Variants in PACRG observed in about 807,000 individuals in gnomAD.
PACRG encodes parkin coregulated, also known as parkin coregulated gene protein.
In PACRG, 29 loss-of-function variants were observed where a neutral mutation model predicts 29.7. The ratio of observed to expected loss-of-function variants is 0.98; its 90% CI spans 0.73 to 1.33. PACRG has a LOEUF of 1.33. PACRG is among the 40% of genes most tolerant of loss of function. PACRG has a pLI of 0.00. For missense variants in PACRG, 279 were observed against 316.2 expected, an observed-to-expected ratio of 0.88 and a Z score of 0.89; for synonymous variants, 116 against 118.7, an observed-to-expected ratio of 0.98 and a Z score of 0.15.
chr6:163,105,002 A>G (rs980367977), intron 4 of PACRG, among the ~76,000 whole-genome samples: 3 of 152,184 alleles, frequency 2.0e-5, no homozygotes, highest in African/African-American at 7.2e-5. Context: ...TACATTTACT[A>G]GTACATTATG....
intron 3 of PACRG, among the ~76,000 whole-genome samples, chr6:163,070,852 T>A (rs1174867390): frequency 6.7e-6 from 1 of 149,500 alleles, no homozygotes; most frequent in Admixed American, 6.7e-5. Context: ...AATAAAGAGA[T>A]GGAAAAAGAT....
At chr6:163,110,207 G>A (rs951666190) in intron 4 of PACRG, among the ~76,000 whole-genome samples, 2 of 152,156 alleles carry the variant, frequency 1.3e-5, no homozygotes, top group South Asian at 2.1e-4. Context: ...GATTCATGAC[G>A]CCAGTCTGGG....
chr6:162,746,846 A>G (rs1781025048), intron 1 of PACRG, among the ~76,000 whole-genome samples: 1 of 152,188 alleles, frequency 6.6e-6, no homozygotes, highest in Admixed American at 6.5e-5. Flanking sequence ...GAGGTAATTA[A>G]TTGACTAGGA....
intron 4 of PACRG, among the ~76,000 whole-genome samples, chr6:163,275,819 A>G (rs1216251946): frequency 6.6e-6 from 1 of 152,172 alleles, no homozygotes; most frequent in Admixed American, 6.5e-5. Context: ...CCTCCTTATT[A>G]ATAATTCAAA....
At chr6:162,934,458 T>A (rs1798094598) in intron 2 of PACRG, among the ~76,000 whole-genome samples, 1 of 152,132 alleles carries the variant, frequency 6.6e-6, no homozygotes, top group South Asian at 2.1e-4. Context: ...CACCAGCCCT[T>A]CTCTTTCAGA....
chr6:162,746,600 A>G (rs1393520021), intron 1 of PACRG, among the ~76,000 whole-genome samples: 1 of 152,236 alleles, frequency 6.6e-6, no homozygotes, highest in Non-Finnish European at 1.5e-5. Flanking sequence ...GTAAATATGA[A>G]GACGTTTTAG....
At chr6:162,947,470 A>AATCATATATATACTC (rs61434250) in intron 2 of PACRG, among the ~76,000 whole-genome samples, 2 of 96,182 alleles carry the variant, frequency 2.1e-5, no homozygotes, top group Non-Finnish European at 4.0e-5. Context: ...AATCATATAT[A>AATCATATATATACTC]ATATATATAT....
Position 163,101,036 on chromosome 6 carries a change from G to A in PACRG, c.613+11628G>A, listed in dbSNP as rs1370950132. On this transcript the variant is annotated intron_variant, in intron 4 of 4. Coordinates refer to ENST00000366888, the MANE Select transcript of PACRG (RefSeq NM_001080379.2). ...TCTTAAGTACAGTACTTTAATATGAGCTTTAGTGAGCATATTTATATTCAT... is the reference window on the plus strand; with the variant it reads ...TCTTAAGTACAGTACTTTAATATGAACTTTAGTGAGCATATTTATATTCAT... 3 of 982,100 alleles carry A rather than the reference G, an allele frequency of 3.1e-6. No homozygotes were observed. The East Asian group carries it at 3.4e-4, about 112-fold the overall frequency. The allele number at this position is 982,100 out of a possible 1,614,324, so 60.8% of individuals were successfully genotyped here. A position where few individuals can be genotyped will look rare whatever the true frequency, so the allele number is the denominator to read the frequency against.
At chr6:163,116,950 A>G (rs1263238081) in intron 4 of PACRG, among the ~76,000 whole-genome samples, 4 of 152,118 alleles carry the variant, frequency 2.6e-5, no homozygotes, top group Non-Finnish European at 5.9e-5. Flanking sequence ...CACTCACAGA[A>G]GCAAGTTGGA....
chr6:163,004,701 A>AGT (rs374627693), intron 2 of PACRG, among the ~76,000 whole-genome samples: 2,331 of 131,138 alleles, frequency 0.018, 92 homozygotes, highest in African/African-American at 0.049. Flanking sequence ...ACAAAGTTCT[A>AGT]GTGTGTGTGT....
chr6:162,915,911 A>G (rs1253060657), intron 2 of PACRG, among the ~76,000 whole-genome samples: 1 of 152,072 alleles, frequency 6.6e-6, no homozygotes, highest in African/African-American at 2.4e-5. Flanking sequence ...TTTAGTGCTA[A>G]TGAGCTATAC....
intron 1 of PACRG, among the ~76,000 whole-genome samples, chr6:162,791,438 G>A (rs1784940122): frequency 6.6e-6 from 1 of 150,662 alleles, no homozygotes; most frequent in African/African-American, 2.4e-5. Context: ...AAATATGTCA[G>A]AACAATGGCT....
At chr6:163,095,390 G>C (rs1176965132) in intron 4 of PACRG, 52 of 985,336 alleles carry the variant, frequency 5.3e-5, no homozygotes, top group Non-Finnish European at 6.1e-5. Flanking sequence ...TCTGTAACCT[G>C]GTAGGGCGAT....
chr6:162,732,222 G>A (rs1219297193), intron 1 of PACRG, among the ~76,000 whole-genome samples: 2 of 152,184 alleles, frequency 1.3e-5, no homozygotes, highest in Non-Finnish European at 2.9e-5. Context: ...GTCTCCTCAG[G>A]AAAAGGATGA....
At chr6:163,095,439 T>G in intron 4 of PACRG, 1 of 984,440 alleles carries the variant, frequency 1.0e-6, no homozygotes. Flanking sequence ...AGGCTGTGTC[T>G]TAGCTTCCTG....
intron 4 of PACRG, chr6:163,179,217 C>G (rs767007354): frequency 6.6e-6 from 3 of 455,914 alleles, no homozygotes; most frequent in South Asian, 4.6e-5. Context: ...ATCTTGGAGG[C>G]TGGGCTCCTC....
In PACRG at chr6:163,314,998, A is replaced by C. The variant is rs775154937; in HGVS notation, c.*11A>C. The C allele has an allele frequency of 2.5e-6, 4 of 1,611,654 alleles. No individual in the cohort carries two copies. In the South Asian group the frequency reaches 4.4e-5, roughly 18 times the overall value. On this transcript the variant is annotated 3_prime_UTR_variant, in exon 5 of 5. Coordinates refer to ENST00000366888, the MANE Select transcript of PACRG (RefSeq NM_001080379.2). ...TGCTTGCTAAACTAACAGTGGCAGCAGCTGGGACTTGAAACCTCCCGTTGG... is the reference window on the plus strand; with the variant it reads ...TGCTTGCTAAACTAACAGTGGCAGCCGCTGGGACTTGAAACCTCCCGTTGG...
chr6:162,728,572 T>G (rs934104710), intron 1 of PACRG, among the ~76,000 whole-genome samples, 181 bp downstream of exon 1: 1 of 152,136 alleles, frequency 6.6e-6, no homozygotes, highest in Non-Finnish European at 1.5e-5. Flanking sequence ...GCTAGGTTGT[T>G]AGAATCTTGG....
At chr6:162,763,378 A>G (rs1782532181) in intron 1 of PACRG, among the ~76,000 whole-genome samples, 1 of 152,240 alleles carries the variant, frequency 6.6e-6, no homozygotes. Flanking sequence ...CAAGGCTCTG[A>G]TATAAAACCT....
Sources: allele counts gnomAD v4.1 joint callset (sites outside exome capture counted in the v4.1 genomes callset), GRCh38; gene constraint gnomAD v4.1.1; transcripts MANE v1.5; gene names NCBI Gene and HGNC (gene_info 2026-07-23, HGNC 2026-07-21).